The following SLC35F3 variants were observed in gnomAD, a reference collection of about 807,000 sequenced individuals.
SLC35F3 encodes putative thiamine transporter SLC35F3.
A neutral mutation model predicts 49.9 loss-of-function variants in SLC35F3; 25 were observed. That is an observed-to-expected ratio of 0.50 (90% CI 0.37 to 0.70). The LOEUF is 0.70. Ranked by LOEUF, SLC35F3 falls within the 30% of genes least tolerant of loss-of-function variation. SLC35F3 has a pLI of 0.00. For missense variants in SLC35F3, 525 were observed against 639.8 expected, an observed-to-expected ratio of 0.82 and a Z score of 1.94; for synonymous variants, 275 against 265.4, an observed-to-expected ratio of 1.04 and a Z score of -0.35.
intron 2 of SLC35F3, among the ~76,000 whole-genome samples, chr1:233,944,412 G>A (rs899549276): frequency 6.6e-6 from 1 of 152,144 alleles, no homozygotes; most frequent in Admixed American, 6.5e-5. Context: ...GTTTTGATGT[G>A]TAGTGCTTGT....
chr1:234,077,740 C>T (rs559966501), intron 2 of SLC35F3, among the ~76,000 whole-genome samples: 25 of 152,236 alleles, frequency 1.6e-4, no homozygotes, highest in African/African-American at 5.1e-4. Context: ...AGCTGTGGGG[C>T]TCAACTCCAG....
At chr1:233,918,698 C>T (rs1383079197) in intron 2 of SLC35F3, among the ~76,000 whole-genome samples, 4 of 151,782 alleles carry the variant, frequency 2.6e-5, no homozygotes, top group Non-Finnish European at 4.4e-5. Flanking sequence ...GCCTGGGAGG[C>T]GGAGGTTGCA....
chr1:234,040,984 C>A (rs113322478), intron 2 of SLC35F3, among the ~76,000 whole-genome samples: 1 of 152,160 alleles, frequency 6.6e-6, no homozygotes, highest in African/African-American at 2.4e-5. Flanking sequence ...GAACGTAAGA[C>A]GTGTTATGAT....
chr1:234,197,040 C>A (rs1666824578), intron 2 of SLC35F3, among the ~76,000 whole-genome samples: 1 of 152,182 alleles, frequency 6.6e-6, no homozygotes, highest in Admixed American at 6.5e-5. Flanking sequence ...AAGGAAAGAA[C>A]TGAGCTTCAA....
intron 3 of SLC35F3, among the ~76,000 whole-genome samples, chr1:234,273,805 G>A (rs1668151615): frequency 6.6e-6 from 1 of 152,106 alleles, no homozygotes; most frequent in Non-Finnish European, 1.5e-5. Context: ...GGCTTGGGAG[G>A]AATACACACA....
chr1:234,299,668 G>A (rs1668661423), intron 3 of SLC35F3, among the ~76,000 whole-genome samples: 2 of 151,914 alleles, frequency 1.3e-5, no homozygotes, highest in Admixed American at 1.3e-4. Context: ...AGCCAGGCAT[G>A]GTGGCAGGCG....
intron 2 of SLC35F3, among the ~76,000 whole-genome samples, chr1:234,143,983 G>A (rs967423480): frequency 6.6e-6 from 1 of 152,152 alleles, no homozygotes; most frequent in Non-Finnish European, 1.5e-5. Context: ...TGGCTTAGCA[G>A]CTCAGTCTAA....
intron 2 of SLC35F3, among the ~76,000 whole-genome samples, chr1:234,215,461 G>A (rs1015725463): frequency 5.3e-5 from 8 of 152,192 alleles, no homozygotes; most frequent in African/African-American, 7.2e-5. Context: ...CCCTCTGCCA[G>A]GAGCAAGCCA....
chr1:234,060,916 C>CTATGTCTTATAGGGCACAGCATACAT (rs1664530080), intron 2 of SLC35F3, among the ~76,000 whole-genome samples: 2 of 152,188 alleles, frequency 1.3e-5, no homozygotes, highest in Non-Finnish European at 2.9e-5. Flanking sequence ...TATTCTATTT[C>CTATGTCTTATAGGGCACAGCATACAT]TATGTCTTAT....
intron 2 of SLC35F3, among the ~76,000 whole-genome samples, chr1:234,140,002 A>AATAAAATAAAATAAAATAAATAAAAAT: frequency 9.5e-6 from 1 of 105,368 alleles, no homozygotes. Flanking sequence ...AATAAAATAA[A>AATAAAATAAAATAAAATAAATAAAAAT]GTAAGTGACT....
rs115232722 is a variant in SLC35F3, at chr1:233,989,193, A to T, written c.283+83435A>T. On this transcript the variant is annotated intron_variant, in intron 2 of 7. Coordinates refer to ENST00000366618, the MANE Select transcript of SLC35F3 (RefSeq NM_173508.4). The stretch of plus-strand genomic sequence containing the variant: ...TGGGGCTGCACGCATTCTCTTTCAG[A>T]ATGTTTAAATACATCACCCTTTGAT... Among the ~76,000 whole-genome samples, 719 of 152,314 alleles carry T rather than the reference A, an allele frequency of 4.7e-3. 2 individuals are homozygous for T. The highest frequency in any genetic ancestry group is 0.014 in the African/African-American group (599 of 41,576).
chr1:234,290,648 C>A (rs1344353938), intron 3 of SLC35F3, among the ~76,000 whole-genome samples: 2 of 152,200 alleles, frequency 1.3e-5, no homozygotes, highest in African/African-American at 4.8e-5. Flanking sequence ...GCCCTGGAGG[C>A]CGCAGCCTCT....
intron 2 of SLC35F3, among the ~76,000 whole-genome samples, chr1:234,009,508 A>G (rs1447279396): frequency 6.6e-6 from 1 of 152,134 alleles, no homozygotes; most frequent in Admixed American, 6.5e-5. Context: ...TGCCTTTTTG[A>G]ATCAGGGCAA....
At chr1:234,002,730 C>T (rs1228513247) in intron 2 of SLC35F3, among the ~76,000 whole-genome samples, 6 of 152,270 alleles carry the variant, frequency 3.9e-5, no homozygotes, top group African/African-American at 1.4e-4. Flanking sequence ...ATAGCCCACC[C>T]TTAAGGAGGG....
Position 233,905,133 on chromosome 1 carries a change from G to C in SLC35F3, c.53+3G>C. The C allele has an allele frequency of 6.4e-7, 1 of 1,555,506 alleles. No homozygotes were observed. Among genetic ancestry groups the C allele is most frequent in the African/African-American group, 1.4e-5 (1 of 73,646 alleles). On this transcript the variant is annotated splice_donor_region_variant and intron_variant, in intron 1 of 7. Transcript: ENST00000366618. The stretch of plus-strand genomic sequence containing the variant: ...CCCAGGGGCAAGAGCATTGCCGTGT[G>C]AGTAGCGCCCCGGGCGTGGGTGAGC...
chr1:234,041,582 C>A (rs932529168), intron 2 of SLC35F3, among the ~76,000 whole-genome samples: 2 of 151,996 alleles, frequency 1.3e-5, no homozygotes, highest in African/African-American at 4.8e-5. Flanking sequence ...CTCACACACA[C>A]CTGTGGCAGA....
chr1:234,206,251 G>A (rs1666968080), intron 2 of SLC35F3, among the ~76,000 whole-genome samples: 1 of 152,050 alleles, frequency 6.6e-6, no homozygotes, highest in Non-Finnish European at 1.5e-5. Flanking sequence ...GTCAGGCTGG[G>A]TCAGGCATTA....
chr1:234,273,268 G>T (rs74821111), intron 3 of SLC35F3, among the ~76,000 whole-genome samples: 8,612 of 152,250 alleles, frequency 0.057, 279 homozygotes, highest in African/African-American at 0.085. Context: ...CCTTATACAG[G>T]CTGTTGCCTA....
chr1:234,207,902 A>G (rs558001948), intron 2 of SLC35F3, among the ~76,000 whole-genome samples: 1 of 152,332 alleles, frequency 6.6e-6, no homozygotes, highest in East Asian at 1.9e-4. Context: ...CTAGCTGCTC[A>G]GGAGGCTTAG....
Sources: gnomAD v4.1 joint callset for allele counts (sites outside exome capture counted in the v4.1 genomes callset) on GRCh38, gnomAD v4.1.1 for gene constraint, MANE v1.5 for transcripts, NCBI Gene and HGNC (gene_info 2026-07-23, HGNC 2026-07-21) for gene names.